The following PCDH7 variants were observed in gnomAD, a reference collection of about 807,000 sequenced individuals.
PCDH7 encodes protocadherin 7.
Under a neutral mutation model 58.9 loss-of-function variants are expected in PCDH7, and 17 were observed. That is an observed-to-expected ratio of 0.29 (90% CI 0.20 to 0.43). The LOEUF (loss-of-function observed/expected upper bound fraction) is 0.43. Among genes scored for constraint, PCDH7 ranks in the 20% least tolerant of loss-of-function variants. The probability of loss-of-function intolerance (pLI) is 1.00; values close to 1 mark genes in which losing one functional copy is unlikely to be tolerated. For synonymous variants in PCDH7, 664 were observed against 616.4 expected, an observed-to-expected ratio of 1.08 and a Z score of -1.14; for missense variants, 1,274 against 1,441.0, an observed-to-expected ratio of 0.88 and a Z score of 1.88.
At chr4:30,868,387 C>T (rs1041544984) in intron 1 of PCDH7, among the ~76,000 whole-genome samples, 4 of 152,068 alleles carry the variant, frequency 2.6e-5, no homozygotes, top group East Asian at 1.9e-4. Flanking sequence ...TTAAACATTA[C>T]GCTGCTGACT....
chr4:30,781,962 G>A (rs1204354025), intron 1 of PCDH7, among the ~76,000 whole-genome samples: 1 of 152,012 alleles, frequency 6.6e-6, no homozygotes, highest in African/African-American at 2.4e-5. Flanking sequence ...TATGTAAATG[G>A]GTATAGACTT....
chr4:30,832,389 A>T (rs900127111), intron 1 of PCDH7, among the ~76,000 whole-genome samples: 1 of 152,200 alleles, frequency 6.6e-6, no homozygotes, highest in African/African-American at 2.4e-5. Context: ...ATATTCTGAA[A>T]CTAAATATCT....
exon 1 of PCDH7, chr4:30,724,184 A>G: frequency 6.2e-7 from 1 of 1,614,074 alleles, no homozygotes; most frequent in Non-Finnish European, 8.5e-7. Context: ...GATCACGAAG[A>G]CTTTTTTACA....
At chr4:30,798,652 T>C (rs1725113561) in intron 1 of PCDH7, among the ~76,000 whole-genome samples, 1 of 152,216 alleles carries the variant, frequency 6.6e-6, no homozygotes, top group African/African-American at 2.4e-5. Context: ...AAAATTACTT[T>C]GTTGAATACT....
chr4:30,985,821 G>A (rs756841163), intron 3 of PCDH7, among the ~76,000 whole-genome samples: 2 of 152,126 alleles, frequency 1.3e-5, no homozygotes, highest in African/African-American at 2.4e-5. Context: ...GGGCTGCAGT[G>A]TTAATTGGCA....
chr4:31,019,851 G>T (rs1462125892), intron 3 of PCDH7, among the ~76,000 whole-genome samples: 1 of 151,954 alleles, frequency 6.6e-6, no homozygotes, highest in Non-Finnish European at 1.5e-5. Flanking sequence ...TCTGTTAGCT[G>T]CCTGGAAGAA....
At chr4:30,810,677 T>C (rs1726880141) in intron 1 of PCDH7, among the ~76,000 whole-genome samples, 1 of 151,178 alleles carries the variant, frequency 6.6e-6, no homozygotes, top group Non-Finnish European at 1.5e-5. Flanking sequence ...AGTGGTGCAA[T>C]CTCTGCTCAC....
rs183230237 is a variant in PCDH7 at position 30,753,850 on chromosome 4, A to G, written c.70+29254A>G. On this transcript the variant is annotated intron_variant, in intron 1 of 3. Coordinates refer to the PCDH7 transcript ENST00000509759. ...TACTTTCTGATTTCATTGCACATAT[A>G]AATATGGAATGATATTGGAAGAGAA... is the stretch of plus-strand genomic sequence containing the variant. Among the ~76,000 whole-genome samples the G allele has an allele frequency of 4.0e-3, 606 of 152,302 alleles. 4 individuals carry two copies. The highest frequency in any genetic ancestry group is 0.014 in the African/African-American group (581 of 41,548).
chr4:31,102,004 ATG>A (rs1177644849), intron 3 of PCDH7, among the ~76,000 whole-genome samples: 1 of 152,212 alleles, frequency 6.6e-6, no homozygotes, highest in Non-Finnish European at 1.5e-5. Flanking sequence ...AATATTACCC[ATG>A]TGGAGCATTT....
intron 3 of PCDH7, among the ~76,000 whole-genome samples, chr4:30,960,454 G>A (rs1180567096): frequency 4.6e-5 from 7 of 152,070 alleles, no homozygotes; most frequent in Admixed American, 4.6e-4. Context: ...TGCTTATTGA[G>A]GGTGGAATTC....
chr4:31,138,901 G>C (rs920136856), intron 3 of PCDH7, among the ~76,000 whole-genome samples: 1 of 151,440 alleles, frequency 6.6e-6, no homozygotes, highest in Non-Finnish European at 1.5e-5. Context: ...GCTTGAGCCT[G>C]AGAGGCAGAG....
At chr4:30,750,529 C>T (rs1471088324) in intron 1 of PCDH7, among the ~76,000 whole-genome samples, 2 of 152,074 alleles carry the variant, frequency 1.3e-5, no homozygotes, top group African/African-American at 2.4e-5. Flanking sequence ...ATGTCTGTGG[C>T]GAGGTTCATC....
intron 2 of PCDH7, among the ~76,000 whole-genome samples, chr4:30,937,674 C>T (rs1198227600): frequency 1.3e-5 from 2 of 152,068 alleles, no homozygotes; most frequent in East Asian, 3.9e-4. Context: ...TGTTCTCAAG[C>T]ATATCTCATT....
chr4:30,932,857 G>A (rs10939319), intron 2 of PCDH7, among the ~76,000 whole-genome samples: 5,609 of 152,024 alleles, frequency 0.037, 338 homozygotes, highest in African/African-American at 0.13. Context: ...CTGTAACAAC[G>A]GTTTATTGAA....
chr4:30,835,880 G>C (rs909821595), intron 1 of PCDH7, among the ~76,000 whole-genome samples: 3 of 152,138 alleles, frequency 2.0e-5, no homozygotes, highest in Admixed American at 6.6e-5. Flanking sequence ...CTTGCACTAA[G>C]TATTGTTCCA....
chr4:30,807,205 A>G (rs766414486), intron 1 of PCDH7, among the ~76,000 whole-genome samples: 5 of 152,220 alleles, frequency 3.3e-5, no homozygotes, highest in Non-Finnish European at 5.9e-5. Context: ...TTAAGCCTGG[A>G]AATTCTTCCC....
At chr4:30,838,870 A>G (rs992010540) in intron 1 of PCDH7, among the ~76,000 whole-genome samples, 1 of 152,088 alleles carries the variant, frequency 6.6e-6, no homozygotes, top group Non-Finnish European at 1.5e-5. Context: ...CAACTCATCC[A>G]CATGTTGAAA....
At chr4:30,962,053 C>A (rs1289259133) in intron 3 of PCDH7, among the ~76,000 whole-genome samples, 1 of 152,048 alleles carries the variant, frequency 6.6e-6, no homozygotes, top group Admixed American at 6.5e-5. Flanking sequence ...ATTTAATGCA[C>A]CTCTTTGGAG....
intron 3 of PCDH7, among the ~76,000 whole-genome samples, chr4:30,983,530 A>G (rs1447098805): frequency 6.6e-6 from 1 of 152,236 alleles, no homozygotes. Flanking sequence ...TCAAATTCAG[A>G]AAAAGAGCAT....
Sources: gnomAD v4.1 joint callset for allele counts (sites outside exome capture counted in the v4.1 genomes callset) on GRCh38, gnomAD v4.1.1 for gene constraint, MANE v1.5 for transcripts, NCBI Gene and HGNC (gene_info 2026-07-23, HGNC 2026-07-21) for gene names.